PCDH7: variants seen among roughly 807,000 people sequenced by gnomAD.
PCDH7 encodes the protein protocadherin-7.
PCDH7 carries 17 observed loss-of-function variants against 58.9 expected under a neutral mutation model. That is an observed-to-expected ratio of 0.29 (90% confidence interval 0.20 to 0.43). The LOEUF (loss-of-function observed/expected upper bound fraction) is 0.43. Ranked by LOEUF, PCDH7 falls within the 20% of genes least tolerant of loss-of-function variation. The pLI is 1.00. For missense variants in PCDH7, 1,274 were observed against 1,441.0 expected (o/e 0.88, Z 1.88); for synonymous variants, 664 against 616.4 (o/e 1.08, Z -1.14).
In PCDH7 at chr4:30,722,874, G is replaced by A; in HGVS notation, c.1452G>A (p.Lys484=). ...CCGAGGGCGACCAGAACAAGAAAAA[G>A]TACTTCTTGCACACCTCGACCCCTC... Residue 484 remains lysine (K), a synonymous_variant, in exon 1 of 2, where the codon AAG becomes AAA. Transcript: ENST00000361762. This position sits in a 1 kb window ranked among gnomAD's most constrained non-coding sequence, Gnocchi z 7.6. The A allele has an allele frequency of 6.2e-7, 1 of 1,613,842 alleles. No individual in the cohort carries two copies. The highest frequency in any genetic ancestry group is 1.1e-5 in the South Asian group (1 of 91,086).
At chr4:30,827,452 A>G (rs1729245643) in intron 1 of PCDH7, among the ~76,000 whole-genome samples, 1 of 152,186 alleles carries the variant, frequency 6.6e-6, no homozygotes, top group Non-Finnish European at 1.5e-5. Context: ...CATGACTTTC[A>G]GTGCATGTTT....
chr4:30,798,180 T>C (rs1366570321), intron 1 of PCDH7, among the ~76,000 whole-genome samples: 1 of 152,134 alleles, frequency 6.6e-6, no homozygotes, highest in Non-Finnish European at 1.5e-5. Flanking sequence ...TGTATTTAAG[T>C]TGAAGGAGAT....
chr4:30,846,168 T>C (rs763797048), intron 1 of PCDH7, among the ~76,000 whole-genome samples: 10 of 152,116 alleles, frequency 6.6e-5, no homozygotes, highest in Non-Finnish European at 1.3e-4. Flanking sequence ...ATTGATATTT[T>C]GGATCAGACA....
chr4:30,827,656 G>A (rs1729264502), intron 1 of PCDH7, among the ~76,000 whole-genome samples: 1 of 152,100 alleles, frequency 6.6e-6, no homozygotes, highest in Non-Finnish European at 1.5e-5. Context: ...ATGCCTACAA[G>A]GCCATCAATC....
intron 3 of PCDH7, among the ~76,000 whole-genome samples, chr4:30,974,685 T>C (rs1047062934): frequency 5.9e-5 from 9 of 152,184 alleles, no homozygotes; most frequent in African/African-American, 1.7e-4. Flanking sequence ...TAACCTCCTT[T>C]GGAAAGGATA....
chr4:30,901,658 G>A (rs1220246608), intron 1 of PCDH7, among the ~76,000 whole-genome samples: 1 of 152,076 alleles, frequency 6.6e-6, no homozygotes, highest in Non-Finnish European at 1.5e-5. Flanking sequence ...CTTACAATTG[G>A]CTTAAATGTA....
chr4:30,749,170 G>A (rs940244956), intron 1 of PCDH7, among the ~76,000 whole-genome samples: 9 of 152,098 alleles, frequency 5.9e-5, no homozygotes, highest in African/African-American at 2.2e-4. Context: ...ACAAAAGAAA[G>A]AAAAAGTAAA....
At chr4:30,957,096 C>T (rs1230755534) in intron 3 of PCDH7, among the ~76,000 whole-genome samples, 1 of 152,116 alleles carries the variant, frequency 6.6e-6, no homozygotes, top group Non-Finnish European at 1.5e-5. Context: ...ATGAGCTTAT[C>T]ACCACCATCT....
intron 1 of PCDH7, among the ~76,000 whole-genome samples, chr4:30,897,309 G>A (rs956743622): frequency 6.6e-6 from 1 of 152,098 alleles, no homozygotes; most frequent in African/African-American, 2.4e-5. Context: ...ACATCATTCT[G>A]TCATTTGTTA....
chr4:31,026,460 G>A (rs148985307), intron 3 of PCDH7, among the ~76,000 whole-genome samples: 78 of 152,290 alleles, frequency 5.1e-4, no homozygotes, highest in African/African-American at 1.3e-3. Context: ...ACACGTGTTC[G>A]TAGTTTTATG....
intron 3 of PCDH7, among the ~76,000 whole-genome samples, chr4:31,136,473 T>A (rs1719616782): frequency 6.6e-6 from 1 of 152,182 alleles, no homozygotes; most frequent in Non-Finnish European, 1.5e-5. Flanking sequence ...GGCCCAGGAA[T>A]GGTACAGATG....
intron 1 of PCDH7, among the ~76,000 whole-genome samples, chr4:30,755,288 G>T (rs1719144896): frequency 6.6e-6 from 1 of 152,174 alleles, no homozygotes; most frequent in South Asian, 2.1e-4. Flanking sequence ...TAAGTATGGT[G>T]CTCTCCCTTT....
chr4:31,126,882 A>T (rs972495269), intron 3 of PCDH7, among the ~76,000 whole-genome samples: 3 of 152,184 alleles, frequency 2.0e-5, no homozygotes, highest in Admixed American at 2.0e-4. Context: ...GATTTATTTG[A>T]ATTGTACAAG....
chr4:31,138,485 T>C (rs1177459344), intron 3 of PCDH7, among the ~76,000 whole-genome samples: 2 of 152,204 alleles, frequency 1.3e-5, no homozygotes, highest in African/African-American at 4.8e-5. Flanking sequence ...TCAGCTGTTA[T>C]ATTTTAAGAA....
At chr4:30,765,233 A>C (rs1047708227) in intron 1 of PCDH7, among the ~76,000 whole-genome samples, 2 of 147,918 alleles carry the variant, frequency 1.4e-5, no homozygotes, top group African/African-American at 2.5e-5. Flanking sequence ...TCGAAAGATT[A>C]AGTTATGATA....
At chr4:30,920,894 A>G (rs1201974459) in intron 2 of PCDH7, among the ~76,000 whole-genome samples, 1 of 152,136 alleles carries the variant, frequency 6.6e-6, no homozygotes, top group Non-Finnish European at 1.5e-5. Flanking sequence ...TCTCCATAGT[A>G]TGCAATAAAT....
At chr4:30,903,890 G>A (rs1431950165) in intron 1 of PCDH7, among the ~76,000 whole-genome samples, 2 of 151,998 alleles carry the variant, frequency 1.3e-5, no homozygotes, top group Admixed American at 6.6e-5. Flanking sequence ...GTAAAAGTAA[G>A]ACTATAAAGA....
At chr4:30,792,341 T>C (rs1003753388) in intron 1 of PCDH7, among the ~76,000 whole-genome samples, 1 of 152,070 alleles carries the variant, frequency 6.6e-6, no homozygotes, top group South Asian at 2.1e-4. Context: ...TGTGTGAAAA[T>C]ATAAGAAAGT....
chr4:31,083,589 T>TA (rs1711909964), intron 3 of PCDH7, among the ~76,000 whole-genome samples: 1 of 152,236 alleles, frequency 6.6e-6, no homozygotes, highest in African/African-American at 2.4e-5. Context: ...TTTAAAGGAT[T>TA]ACGTTCTTAA....
Sources: allele counts gnomAD v4.1 joint callset (sites outside exome capture counted in the v4.1 genomes callset), GRCh38; gene constraint gnomAD v4.1.1; non-coding constraint Gnocchi (gnomAD v3.1); transcripts MANE v1.5; gene names NCBI Gene and HGNC (gene_info 2026-07-23, HGNC 2026-07-21).